Variants in CREM observed in about 807,000 individuals in gnomAD.
CREM encodes cAMP-responsive element modulator.
In CREM, 13 loss-of-function variants were observed where a neutral mutation model predicts 37.3. The ratio of observed to expected loss-of-function variants is 0.35; its 90% CI spans 0.23 to 0.55. CREM has a LOEUF of 0.55. CREM is among the 20% of genes least tolerant of loss of function. The pLI, the probability that CREM is intolerant of heterozygous loss-of-function variation, is 0.88. For synonymous variants in CREM, 124 were observed against 120.2 expected (o/e 1.03, Z -0.21); for missense variants, 296 against 362.3 (o/e 0.82, Z 1.49).
chr10:35,132,757 A>G (rs2089673184), intron 1 of CREM, among the ~76,000 whole-genome samples: 1 of 152,198 alleles, frequency 6.6e-6, no homozygotes, highest in South Asian at 2.1e-4. Flanking sequence ...GCATAACCAT[A>G]GTCTCATCCC....
At chr10:35,193,138 T>G (rs2094991323) in intron 6 of CREM, among the ~76,000 whole-genome samples, 1 of 152,204 alleles carries the variant, frequency 6.6e-6, no homozygotes, top group South Asian at 2.1e-4. Context: ...GTGTTGTGGC[T>G]CTCTGTCTTG....
chr10:35,179,230 C>T lies in CREM; in HGVS notation c.363C>T (p.Thr121=). 1.2e-6 allele frequency: 2 copies of T among 1,613,752 alleles called. No individual in the cohort carries two copies. The highest frequency in any genetic ancestry group is 1.7e-6 in the Non-Finnish European group (2 of 1,179,692). The change falls in exon 5 of 8, where the codon ACC becomes ACT. Residue 121 remains threonine (T), a synonymous_variant. Transcript: ENST00000685392. The stretch of plus-strand genomic sequence containing the variant: ...AAGGAACACCACCTAGTATTGCTAC[C>T]ATGGCAGTACCAACTAGCATATATC... ...EEEGTPPSIA[T]MAVPTSIYQT...
At chr10:35,200,182 C>G (rs2134219397) in intron 6 of CREM, among the ~76,000 whole-genome samples, 1 of 152,250 alleles carries the variant, frequency 6.6e-6, no homozygotes, top group East Asian at 1.9e-4. Flanking sequence ...GCCACCACAC[C>G]CAGCCTAAAA....
chr10:35,130,282 G>T (rs1296099130), intron 1 of CREM, among the ~76,000 whole-genome samples: 1 of 150,578 alleles, frequency 6.6e-6, no homozygotes, highest in Non-Finnish European at 1.5e-5. Flanking sequence ...AAATAATTAT[G>T]TTAATAATCT....
intron 5 of CREM, among the ~76,000 whole-genome samples, chr10:35,183,415 CGTT>C (rs959105722): frequency 2.6e-5 from 4 of 152,248 alleles, no homozygotes; most frequent in East Asian, 1.9e-4. Flanking sequence ...TTAATAGTGA[CGTT>C]GTTTACATTT....
chr10:35,164,565 A>AT lies in CREM; in HGVS notation c.169-14323dup, dbSNP rs2093445906. ...TAAAACATTGCTGGCCACTTTGGGC[A>AT]TAAAAATCTAAAATATAATCTGTAA... is the stretch of plus-strand genomic sequence containing the variant. On this transcript the variant is annotated intron_variant, in intron 3 of 7. Transcript: ENST00000685392. Among the ~76,000 whole-genome samples the AT allele has an allele frequency of 2.0e-5, 3 of 152,272 alleles. No individual in the cohort carries two copies. In the South Asian group the frequency reaches 6.2e-4, roughly 31 times the overall value.
intron 1 of CREM, among the ~76,000 whole-genome samples, chr10:35,130,564 A>G (rs1042163456): frequency 2.0e-5 from 3 of 152,230 alleles, no homozygotes. Flanking sequence ...TAAGATTATA[A>G]TGGAGCTGAA....
At chr10:35,209,990 T>G (rs1403189068) in intron 7 of CREM, among the ~76,000 whole-genome samples, 1 of 152,110 alleles carries the variant, frequency 6.6e-6, no homozygotes, top group Non-Finnish European at 1.5e-5. Context: ...TTCATTTGGA[T>G]TGAAGGTTCT....
At chr10:35,201,406 G>T (rs372741137) in intron 6 of CREM, 1 of 1,550,038 alleles carries the variant, frequency 6.5e-7, no homozygotes, top group African/African-American at 1.4e-5. Flanking sequence ...ACATTGTAGG[G>T]TTTATTGTGA....
intron 3 of CREM, among the ~76,000 whole-genome samples, chr10:35,164,064 A>G (rs2093423349): frequency 6.6e-6 from 1 of 152,158 alleles, no homozygotes. Context: ...AGTAGTGTTG[A>G]AGGTATTTTT....
At chr10:35,177,981 A>G (rs1365536597) in intron 3 of CREM, among the ~76,000 whole-genome samples, 17 of 152,150 alleles carry the variant, frequency 1.1e-4, no homozygotes, top group Admixed American at 1.0e-3. Context: ...TCATATGTGG[A>G]GGTGAATATA....
At position 35,137,893 on chromosome 10, in the gene CREM, C is replaced by T. The variant is rs147687611; in HGVS notation, c.44+14C>T. On this transcript the variant is annotated intron_variant, in intron 2 of 7. Transcript: ENST00000685392. Reference sequence around the variant, plus strand: ...GACAAATCCAAGGTAGGTAGATGTACGTTTTTCTGTTCTTTTGAAAATTCT... The same window carrying T: ...GACAAATCCAAGGTAGGTAGATGTATGTTTTTCTGTTCTTTTGAAAATTCT... 61 of 1,570,508 alleles carry T rather than the reference C, an allele frequency of 3.9e-5. No homozygotes were observed. The African/African-American group carries it at 5.9e-4, about 15-fold the overall frequency.
At chr10:35,159,680 T>G (rs1477506069) in intron 3 of CREM, among the ~76,000 whole-genome samples, 1 of 152,098 alleles carries the variant, frequency 6.6e-6, no homozygotes, top group Admixed American at 6.6e-5. Flanking sequence ...GATACAACCT[T>G]AAAAGCACAG....
intron 3 of CREM, among the ~76,000 whole-genome samples, chr10:35,155,033 G>T (rs1183571107): frequency 6.6e-6 from 1 of 152,054 alleles, no homozygotes; most frequent in Non-Finnish European, 1.5e-5. Context: ...ACAGTACTTT[G>T]CTTTAAATAA....
intron 3 of CREM, among the ~76,000 whole-genome samples, chr10:35,155,580 T>C (rs1441373499): frequency 6.6e-6 from 1 of 152,032 alleles, no homozygotes; most frequent in Non-Finnish European, 1.5e-5. Context: ...ATTAATTTTA[T>C]AGTTTCTTTT....
chr10:35,145,530 C>T (rs2091975252), intron 2 of CREM, among the ~76,000 whole-genome samples: 2 of 152,174 alleles, frequency 1.3e-5, no homozygotes, highest in South Asian at 2.1e-4. Flanking sequence ...CTAGTAATCC[C>T]AGCACTTTGG....
chr10:35,201,815 G>C (rs576973125), intron 6 of CREM, among the ~76,000 whole-genome samples: 5 of 152,256 alleles, frequency 3.3e-5, no homozygotes, highest in African/African-American at 9.6e-5. Context: ...GCATCTTGTA[G>C]GGCTTTCCAT....
intron 3 of CREM, chr10:35,158,263 G>T (rs547870612): frequency 6.4e-6 from 1 of 157,240 alleles, no homozygotes; most frequent in Non-Finnish European, 1.4e-5. Context: ...CCCAAATAGC[G>T]AAAGGAATAT....
chr10:35,193,264 G>T lies in CREM; in HGVS notation c.598+4876G>T, dbSNP rs568696753. 1.1e-4 allele frequency among the ~76,000 whole-genome samples: 17 copies of T among 152,252 alleles called. No individual in the cohort carries two copies. The South Asian group carries it at 3.5e-3, about 32-fold the overall frequency. ...TGTTCTTCCTCTGAAAATGTGATTTGTTCTGTGTGCTGATTGACTTGAGAT... is the reference window on the plus strand; with the variant it reads ...TGTTCTTCCTCTGAAAATGTGATTTTTTCTGTGTGCTGATTGACTTGAGAT... On this transcript the variant is annotated intron_variant, in intron 6 of 7. Transcript: ENST00000685392.
Sources: gnomAD v4.1 joint callset for allele counts (sites outside exome capture counted in the v4.1 genomes callset) on GRCh38, gnomAD v4.1.1 for gene constraint, MANE v1.5 for transcripts, NCBI Gene and HGNC (gene_info 2026-07-23, HGNC 2026-07-21) for gene names.